Variants in GRM5 observed in about 807,000 individuals in gnomAD.
GRM5 encodes glutamate metabotropic receptor 5.
In GRM5, 19 loss-of-function variants were observed where a neutral mutation model predicts 83.1. The observed-to-expected ratio is 0.23, with a 90% CI of 0.16 to 0.34. The LOEUF (loss-of-function observed/expected upper bound fraction) is 0.34, where lower values mean the gene tolerates loss of function less well. Among genes scored for constraint, GRM5 ranks in the 10% least tolerant of loss-of-function variants. GRM5 has a pLI of 1.00. For missense variants in GRM5, 1,160 were observed against 1,588.3 expected, an observed-to-expected ratio of 0.73 and a Z score of 4.58; for synonymous variants, 675 against 633.6, an observed-to-expected ratio of 1.07 and a Z score of -0.98.
intron 2 of GRM5, among the ~76,000 whole-genome samples, chr11:88,965,407 T>C (rs1376315850): frequency 1.3e-5 from 2 of 152,132 alleles, no homozygotes; most frequent in Non-Finnish European, 1.5e-5. Context: ...ATGAACTCCA[T>C]GCTCATGACC....
intron 3 of GRM5, among the ~76,000 whole-genome samples, chr11:88,768,612 AC>A (rs1279196493): frequency 7.7e-6 from 1 of 130,528 alleles, no homozygotes; most frequent in Non-Finnish European, 1.7e-5. Flanking sequence ...ATATGTATGA[AC>A]CACCTATAAA....
intron 3 of GRM5, among the ~76,000 whole-genome samples, chr11:88,775,728 G>A (rs1188725241): frequency 1.3e-5 from 2 of 152,206 alleles, no homozygotes; most frequent in Non-Finnish European, 2.9e-5. Flanking sequence ...AAGTTGTTCA[G>A]TTTCCATGTA....
At chr11:88,979,036 C>T (rs1169759186) in intron 2 of GRM5, among the ~76,000 whole-genome samples, 12 of 152,178 alleles carry the variant, frequency 7.9e-5, no homozygotes, top group Non-Finnish European at 1.8e-4. Flanking sequence ...AAGAAAAATT[C>T]ATTTCACAAA....
chr11:88,603,937 T>C (rs1416853868), intron 5 of GRM5, among the ~76,000 whole-genome samples: 2 of 152,196 alleles, frequency 1.3e-5, no homozygotes, highest in East Asian at 1.9e-4. Context: ...AAGGACCCTA[T>C]TGTTTTGATA....
At chr11:89,037,944 G>T (rs1941432345) in intron 2 of GRM5, among the ~76,000 whole-genome samples, 2 of 152,196 alleles carry the variant, frequency 1.3e-5, no homozygotes, top group African/African-American at 4.8e-5. Flanking sequence ...TTATGGCTAT[G>T]TGTAACTAAG....
chr11:88,780,849 A>G (rs148693256), intron 3 of GRM5, among the ~76,000 whole-genome samples: 1 of 152,206 alleles, frequency 6.6e-6, no homozygotes, highest in East Asian at 1.9e-4. Flanking sequence ...AGTGTTCAGT[A>G]TAACTTCTCA....
At chr11:88,863,781 G>C (rs1240229989) in intron 2 of GRM5, among the ~76,000 whole-genome samples, 1 of 151,868 alleles carries the variant, frequency 6.6e-6, no homozygotes, top group East Asian at 1.9e-4. Context: ...TGTTTAACAA[G>C]AGACACTTAA....
chr11:88,873,867 G>A (rs1944808673), intron 2 of GRM5, among the ~76,000 whole-genome samples: 1 of 151,624 alleles, frequency 6.6e-6, no homozygotes, highest in African/African-American at 2.4e-5. Flanking sequence ...ATAAAGATCA[G>A]AGCATAAACA....
At chr11:88,886,971 G>C (rs1352877422) in intron 2 of GRM5, among the ~76,000 whole-genome samples, 1 of 152,124 alleles carries the variant, frequency 6.6e-6, no homozygotes, top group Non-Finnish European at 1.5e-5. Flanking sequence ...AAAAGCACAT[G>C]ACATTTCAAG....
intron 8 of GRM5, among the ~76,000 whole-genome samples, chr11:88,534,582 T>C (rs1030499224): frequency 3.9e-5 from 6 of 152,352 alleles, no homozygotes; most frequent in Middle Eastern, 3.4e-3. Context: ...CTTTTGATTT[T>C]ACAAGCACAT....
chr11:88,553,551 C>G (rs147933235), intron 8 of GRM5, among the ~76,000 whole-genome samples: 52 of 152,180 alleles, frequency 3.4e-4, no homozygotes, highest in African/African-American at 1.2e-3. Flanking sequence ...AATCAAGACT[C>G]CAGTGGGATC....
intron 3 of GRM5, among the ~76,000 whole-genome samples, chr11:88,754,634 T>C (rs1171818539): frequency 6.6e-6 from 1 of 152,114 alleles, no homozygotes; most frequent in Admixed American, 6.6e-5. Context: ...ATTCCTACAT[T>C]TTCTATAAAA....
intron 3 of GRM5, among the ~76,000 whole-genome samples, chr11:88,783,341 T>C (rs1431497793): frequency 6.6e-6 from 1 of 152,106 alleles, no homozygotes; most frequent in Non-Finnish European, 1.5e-5. Flanking sequence ...TCACTGTCCA[T>C]ATACATTATC....
chr11:88,719,304 G>A (rs1941478602), intron 3 of GRM5, among the ~76,000 whole-genome samples: 1 of 152,010 alleles, frequency 6.6e-6, no homozygotes, highest in Admixed American at 6.6e-5. Context: ...ATTTATAAGT[G>A]AGAACATGCA....
intron 8 of GRM5, among the ~76,000 whole-genome samples, chr11:88,548,103 C>T (rs1053547087): frequency 1.3e-5 from 2 of 152,150 alleles, no homozygotes; most frequent in African/African-American, 2.4e-5. Flanking sequence ...AAGGATATTC[C>T]TATCTTTTTC....
rs576129194 is a variant in GRM5, at chr11:88,990,251, C to T, written c.661+56961G>A. ...ACAAACACCTCTATGCAAATAAACT[C>T]GAAAATCTAGAAGAAATGGATAAAT... On this transcript the variant is annotated intron_variant, in intron 2 of 9. Transcript: ENST00000305447. Among the ~76,000 whole-genome samples the T allele has an allele frequency of 3.7e-4, 56 of 152,108 alleles. 1 individual carries two copies. In the South Asian group the frequency reaches 5.2e-3, roughly 14 times the overall value.
intron 2 of GRM5, among the ~76,000 whole-genome samples, chr11:88,942,148 A>G (rs1938136293): frequency 3.3e-5 from 5 of 152,114 alleles, no homozygotes; most frequent in Admixed American, 3.3e-4. Flanking sequence ...GTGTATAATG[A>G]TAGTAAATTA....
chr11:88,940,413 TG>T (rs1938052980), intron 2 of GRM5, among the ~76,000 whole-genome samples: 1 of 150,832 alleles, frequency 6.6e-6, no homozygotes, highest in Non-Finnish European at 1.5e-5. Flanking sequence ...GTCATTTGCT[TG>T]GGGAAAAGAA....
At chr11:88,512,346 A>T (rs1941397831) in intron 9 of GRM5, 1 of 154,426 alleles carries the variant, frequency 6.5e-6, no homozygotes, top group Non-Finnish European at 1.5e-5. Flanking sequence ...ATGGAGTCCA[A>T]ATGTGAGTAC....
Sources: gnomAD v4.1 joint callset for allele counts (sites outside exome capture counted in the v4.1 genomes callset) on GRCh38, gnomAD v4.1.1 for gene constraint, MANE v1.5 for transcripts, NCBI Gene and HGNC (gene_info 2026-07-23, HGNC 2026-07-21) for gene names.